F11: variants seen among roughly 807,000 people sequenced by gnomAD.
The protein encoded by F11 is coagulation factor XI.
F11 carries 78 observed loss-of-function variants against 76.5 expected under a neutral mutation model. The observed-to-expected ratio is 1.02, with a 90% confidence interval of 0.85 to 1.23. F11 has a LOEUF of 1.23. Among genes scored for constraint, F11 ranks in the 50% most tolerant of loss-of-function variants. F11 has a pLI of 0.00. For missense variants in F11, 742 were observed against 771.4 expected, an observed-to-expected ratio of 0.96 and a Z score of 0.45; for synonymous variants, 278 against 276.3, an observed-to-expected ratio of 1.01 and a Z score of -0.06.
intron 3 of F11, 134 bp downstream of exon 3, chr4:186,271,905 T>C: frequency 9.3e-7 from 1 of 1,074,238 alleles, no homozygotes; most frequent in Non-Finnish European, 1.4e-6. Context: ...AGTTGAAATA[T>C]TGTTACAGAA....
rs1741430464 is a variant in F11 at position 186,289,308 on chromosome 4, A to G, written c.*694A>G. ...TGAAGATACACTTTCCTGAAAAATG[A>G]TTTGTGATGGATTGTATATTTATTT... On this transcript the variant is annotated 3_prime_UTR_variant, in exon 15 of 15. Transcript: ENST00000403665. Among the ~76,000 whole-genome samples the G allele has an allele frequency of 6.6e-6, 1 of 152,190 alleles. No homozygotes were observed. Among genetic ancestry groups the G allele is most frequent in the Non-Finnish European group, 1.5e-5 (1 of 68,030 alleles).
intron 7 of F11, among the ~76,000 whole-genome samples, chr4:186,276,613 G>A: frequency 8.2e-6 from 1 of 122,460 alleles, no homozygotes; most frequent in East Asian, 2.6e-4. Context: ...TTGAGATGGA[G>A]TCTCGCTCTG....
In F11 at chr4:186,284,147, T is replaced by C. The variant is rs5970; in HGVS notation, c.1191T>C (p.Gly397=). 0.15 allele frequency: 236,686 copies of C among 1,614,012 alleles called. 18,427 individuals are homozygous for C. The highest frequency in any genetic ancestry group is 0.22 in the South Asian group (19,993 of 91,074). ...TTGGAGGAACTGCGTCTGTTCGTGG[T>C]GAGTGGCCGTGGCAGGTGACCCTGC... ...RIVGGTASVR[G]EWPWQVTLHT... The change falls in exon 11 of 15, where the codon GGT becomes GGC. Residue 397 remains glycine, a synonymous_variant. Transcript: ENST00000403665.
chr4:186,288,449 C>G lies in F11; in HGVS notation c.1717-4C>G. The G allele has an allele frequency of 1.2e-6, 2 of 1,614,048 alleles. No homozygotes were observed. Among genetic ancestry groups the G allele is most frequent in the South Asian group, 1.1e-5 (1 of 91,076 alleles). ...GCACCTTTTCTTGTCTCCCCTCGTT[C>G]TAGGGAGATTCGGGAGGCCCTCTGT... On this transcript the variant is annotated splice_region_variant and splice_polypyrimidine_tract_variant and intron_variant, in intron 14 of 14. Transcript: ENST00000403665.
At chr4:186,282,705 T>C (rs1740890136) in intron 10 of F11, 1 of 985,278 alleles carries the variant, frequency 1.0e-6, no homozygotes, top group Admixed American at 6.2e-5. Flanking sequence ...CTTGCAGAAA[T>C]TCCAGAATAG....
At chr4:186,282,921 A>C in intron 10 of F11, 1 of 985,400 alleles carries the variant, frequency 1.0e-6, no homozygotes, top group Non-Finnish European at 1.2e-6. Context: ...AAAGGCCTAG[A>C]AAGGTTGTTT....
intron 7 of F11, among the ~76,000 whole-genome samples, chr4:186,278,341 G>A (rs780176192): frequency 2.6e-5 from 4 of 152,130 alleles, no homozygotes; most frequent in Non-Finnish European, 5.9e-5. Flanking sequence ...CATTTCAGAA[G>A]CACCGGGTCT....
chr4:186,276,658 C>T (rs1740412173), intron 7 of F11, among the ~76,000 whole-genome samples: 1 of 141,814 alleles, frequency 7.1e-6, no homozygotes, highest in Non-Finnish European at 1.5e-5. Flanking sequence ...ATGATTTCAG[C>T]TCACTGCAAC....
At chr4:186,285,948 T>C (rs1741182435) in intron 12 of F11, 135 bp downstream of exon 12, 7 of 987,892 alleles carry the variant, frequency 7.1e-6, no homozygotes, top group Non-Finnish European at 9.6e-6. Context: ...CCTGGAATGC[T>C]AGTCATTCAC....
chr4:186,272,634 G>T (rs917843340), intron 3 of F11, among the ~76,000 whole-genome samples: 1 of 152,156 alleles, frequency 6.6e-6, no homozygotes, highest in African/African-American at 2.4e-5. Context: ...CCTAGAGCAG[G>T]GATTGGCAAA....
chr4:186,266,808 G>T (rs1301551322), intron 1 of F11, among the ~76,000 whole-genome samples: 1 of 152,156 alleles, frequency 6.6e-6, no homozygotes, highest in East Asian at 1.9e-4. Flanking sequence ...AAAAATTGGG[G>T]TGGGGAGAGC....
At chr4:186,284,950 T>G (rs1741072472) in intron 11 of F11, among the ~76,000 whole-genome samples, 1 of 152,112 alleles carries the variant, frequency 6.6e-6, no homozygotes, top group Non-Finnish European at 1.5e-5. Flanking sequence ...ACCCTATCTC[T>G]AAGTAAATAA....
intron 3 of F11, among the ~76,000 whole-genome samples, chr4:186,272,206 AAT>A (rs1473134745): frequency 6.6e-6 from 1 of 152,028 alleles, no homozygotes; most frequent in African/African-American, 2.4e-5. Context: ...CCAAAACCGC[AAT>A]GTTTGCTATA....
chr4:186,275,995 G>T, intron 6 of F11, 99 bp downstream of exon 6: 1 of 1,069,658 alleles, frequency 9.3e-7, no homozygotes, highest in Non-Finnish European at 1.4e-6. Flanking sequence ...ACGATGAAAC[G>T]GACCCAAAGA....
intron 11 of F11, among the ~76,000 whole-genome samples, chr4:186,284,540 C>T (rs779712814): frequency 6.6e-6 from 1 of 152,134 alleles, no homozygotes; most frequent in Non-Finnish European, 1.5e-5. Context: ...CAAGAGCATA[C>T]CTCCCTCTGT....
chr4:186,273,288 C>G lies in F11; in HGVS notation c.325+111C>G, dbSNP rs931661638. On this transcript the variant is annotated intron_variant, in intron 4 of 14. Coordinates refer to ENST00000403665, the MANE Select transcript of F11 (RefSeq NM_000128.4). ...AAACACTGCTATGTGGAAATAAACC[C>G]CCTTAATGAAGTTCTTTCAGTGTAG... 5 of 865,050 alleles carry G rather than the reference C, an allele frequency of 5.8e-6. No individual in the cohort carries two copies. The South Asian group carries it at 6.9e-5, about 12-fold the overall frequency. 53.6% of individuals were successfully genotyped at this position (865,050 alleles called of 1,614,324 possible).
At chr4:186,282,250 G>A (rs1463038882) in intron 10 of F11, 1 of 985,252 alleles carries the variant, frequency 1.0e-6, no homozygotes, top group African/African-American at 1.7e-5. Context: ...ATAGACTCTG[G>A]CCTGTAGAAG....
At chr4:186,286,380 C>T (rs777968669) in intron 12 of F11, 35 bp from the exon 13 acceptor site, 67 of 1,509,326 alleles carry the variant, frequency 4.4e-5, no homozygotes, top group Non-Finnish European at 5.7e-5. Context: ...ATATATTTTG[C>T]GTCTCATATT....
intron 13 of F11, among the ~76,000 whole-genome samples, chr4:186,286,912 T>C (rs536737425): frequency 6.6e-6 from 1 of 152,362 alleles, no homozygotes; most frequent in South Asian, 2.1e-4. Context: ...CTTGTAATTA[T>C]AAAAGGTCTG....
Sources: allele counts gnomAD v4.1 joint callset (sites outside exome capture counted in the v4.1 genomes callset), GRCh38; gene constraint gnomAD v4.1.1; transcripts MANE v1.5; gene names NCBI Gene and HGNC (gene_info 2026-07-23, HGNC 2026-07-21).